ABCC5: variants seen among roughly 807,000 people sequenced by gnomAD.
ABCC5 encodes ATP binding cassette subfamily C member 5, also known as ATP-binding cassette sub-family C member 5.
In ABCC5, 61 loss-of-function variants were observed where a neutral mutation model predicts 160.9. That is an observed-to-expected ratio of 0.38 (90% CI 0.31 to 0.47). The LOEUF (loss-of-function observed/expected upper bound fraction) is 0.47. Among genes scored for constraint, ABCC5 ranks in the 20% least tolerant of loss-of-function variants. ABCC5 has a pLI of 0.99. For missense variants in ABCC5, 1,308 were observed against 1,813.3 expected (o/e 0.72, Z 5.06); for synonymous variants, 666 against 700.6 (o/e 0.95, Z 0.78).
At position 183,967,692 on chromosome 3, in the gene ABCC5, T is replaced by C; in HGVS notation, c.1833+3A>G. The stretch of plus-strand genomic sequence containing the variant: ...CAGAAAAGGACAATAACAAAAATCT[T>C]ACCTGGCCTAAAATGGCTGAAATGA... On this transcript the variant is annotated splice_donor_region_variant and intron_variant, in intron 12 of 29. Transcript: ENST00000334444. 6.2e-7 allele frequency: 1 copy of C among 1,612,350 alleles called. No homozygotes were observed. Among genetic ancestry groups the C allele is most frequent in the Non-Finnish European group, 8.5e-7 (1 of 1,178,414 alleles).
intron 26 of ABCC5, among the ~76,000 whole-genome samples, chr3:183,931,269 A>G (rs1334878786): frequency 2.0e-5 from 3 of 151,814 alleles, no homozygotes; most frequent in African/African-American, 7.3e-5. Flanking sequence ...TCTCCTGCCC[A>G]CTGAGTAGCC....
In ABCC5 at chr3:183,983,020, A is replaced by T; in HGVS notation, c.592-13T>A. On this transcript the variant is annotated splice_polypyrimidine_tract_variant and intron_variant, in intron 5 of 29. Coordinates refer to ENST00000334444, the MANE Select transcript of ABCC5 (RefSeq NM_005688.4). ...TCACCATGAAGGCCTACAGGGAGAG[A>T]CACACACCACTGTCAACATCTCCAC... The T allele has an allele frequency of 6.3e-7, 1 of 1,598,116 alleles. No homozygotes were observed. Among genetic ancestry groups the T allele is most frequent in the Non-Finnish European group, 8.6e-7 (1 of 1,165,630 alleles).
chr3:183,970,776 T>C (rs1182625773), intron 11 of ABCC5, among the ~76,000 whole-genome samples: 2 of 152,154 alleles, frequency 1.3e-5, no homozygotes, highest in East Asian at 1.9e-4. Context: ...CCATCTGATA[T>C]GCAATATATT....
At chr3:183,925,932 G>A (rs1314152386) in intron 28 of ABCC5, among the ~76,000 whole-genome samples, 44 of 147,824 alleles carry the variant, frequency 3.0e-4, no homozygotes, top group Middle Eastern at 3.6e-3. Context: ...TCCGCCTCCC[G>A]GGTTCACGCC....
rs1466852936 is a variant in ABCC5 at position 183,971,629 on chromosome 3, C to T, written c.1695G>A (p.Lys565=). 6.2e-7 allele frequency: 1 copy of T among 1,614,160 alleles called. No homozygotes were observed. Among genetic ancestry groups the T allele is most frequent in the South Asian group, 1.1e-5 (1 of 91,076 alleles). The change falls in exon 11 of 30, where the codon AAG becomes AAA. Residue 565 remains lysine, a synonymous_variant. Transcript: ENST00000334444. ...AGCGCAGGTGGCCCAGGTGGATGTGCTTGCCTTCTTCCTCTTCGGGACTGG... is the reference window on the plus strand; with the variant it reads ...AGCGCAGGTGGCCCAGGTGGATGTGTTTGCCTTCTTCCTCTTCGGGACTGG... The part of the protein sequence containing the change: ...ERPSPEEEEG[K]HIHLGHLRLQ...
At position 183,921,100 on chromosome 3, in the gene ABCC5, G is replaced by C; in HGVS notation, c.*200C>G. The C allele has an allele frequency of 2.2e-6, 1 of 444,542 alleles. No individual in the cohort carries two copies. The highest frequency in any genetic ancestry group is 4.1e-6 in the Non-Finnish European group (1 of 246,840). The allele number at this position is 444,542 out of a possible 1,614,324, so 27.5% of individuals were successfully genotyped here. The stretch of plus-strand genomic sequence containing the variant: ...CAATTAAGAACAAAAACTAAATTTT[G>C]TTTACATGAATATGGAATAAATACA... On this transcript the variant is annotated 3_prime_UTR_variant, in exon 30 of 30. Coordinates refer to ENST00000334444, the MANE Select transcript of ABCC5 (RefSeq NM_005688.4). This position sits in a 1 kb window ranked among gnomAD's most constrained non-coding sequence, Gnocchi z 4.1.
chr3:183,973,602 A>C (rs1215476013), intron 10 of ABCC5, among the ~76,000 whole-genome samples: 5 of 152,012 alleles, frequency 3.3e-5, no homozygotes, highest in Non-Finnish European at 7.4e-5. Flanking sequence ...TTAGATTCTA[A>C]ACTTCTAAGC....
In ABCC5 at chr3:183,951,003, G is replaced by A. The variant is rs1445322670; in HGVS notation, c.2944+438C>T. Reference sequence around the variant, plus strand: ...ACCCGCCTGACAGGCCTGCTGCGGGGATTAAGGTAACATGCATAAAACACT... The same window carrying A: ...ACCCGCCTGACAGGCCTGCTGCGGGAATTAAGGTAACATGCATAAAACACT... On this transcript the variant is annotated intron_variant, in intron 20 of 29. Transcript: ENST00000334444. The surrounding 1 kb of genome is among the most constrained non-coding windows in gnomAD (Gnocchi z 4.7). Among the ~76,000 whole-genome samples, 1 of 152,196 alleles carries A rather than the reference G, an allele frequency of 6.6e-6. No individual in the cohort carries two copies. Among genetic ancestry groups the A allele is most frequent in the Non-Finnish European group, 1.5e-5 (1 of 68,036 alleles).
In ABCC5 at chr3:183,987,539, T is replaced by C. The variant is rs1719332372; in HGVS notation, c.591+231A>G. On this transcript the variant is annotated intron_variant, in intron 5 of 29. Transcript: ENST00000334444. This position sits in a 1 kb window ranked among gnomAD's most constrained non-coding sequence, Gnocchi z 4.2. ...CTGTGCAGAACTGGAGTCAGTTCCA[T>C]TTCACCCCCACCCAGAAATCAAGCC... The C allele has an allele frequency of 3.1e-6, 2 of 635,316 alleles. No homozygotes were observed. Among genetic ancestry groups the C allele is most frequent in the African/African-American group, 3.6e-5 (2 of 54,842 alleles). 39.4% of individuals were successfully genotyped at this position (635,316 alleles called of 1,614,324 possible).
At chr3:183,965,905 G>A (rs562398226) in intron 12 of ABCC5, among the ~76,000 whole-genome samples, 1 of 152,198 alleles carries the variant, frequency 6.6e-6, no homozygotes, top group Admixed American at 6.5e-5. Flanking sequence ...CTAGGATGCT[G>A]GCTAGACCAG....
chr3:183,974,717 C>T (rs1338791137), intron 10 of ABCC5, among the ~76,000 whole-genome samples: 1 of 152,250 alleles, frequency 6.6e-6, no homozygotes, highest in Non-Finnish European at 1.5e-5. Flanking sequence ...GCAAGCCACC[C>T]TATTCCACTG....
At chr3:183,985,460 A>AGGTGGAGAG in intron 5 of ABCC5, 1 of 1,161,066 alleles carries the variant, frequency 8.6e-7, no homozygotes, top group Non-Finnish European at 1.3e-6. Flanking sequence ...AGCAAGCTGC[A>AGGTGGAGAG]GGTGGAGAGA....
At chr3:183,969,520 C>T (rs187222450) in intron 11 of ABCC5, among the ~76,000 whole-genome samples, 3 of 151,968 alleles carry the variant, frequency 2.0e-5, no homozygotes, top group Non-Finnish European at 4.4e-5. Context: ...GGTGAAACCC[C>T]GTCTCTACTA....
At chr3:183,959,914 C>A in intron 16 of ABCC5, 79 bp from the exon 17 acceptor site, 1 of 1,026,282 alleles carries the variant, frequency 9.7e-7, no homozygotes, top group Non-Finnish European at 1.4e-6. Context: ...ATTAGGGAAT[C>A]ATCAATTAAA....
At chr3:183,983,755 G>A in intron 5 of ABCC5, 1 of 985,416 alleles carries the variant, frequency 1.0e-6, no homozygotes, top group Non-Finnish European at 1.2e-6. Context: ...CCAGGAAGTG[G>A]GAAGGAATGT....
At chr3:184,007,904 T>A (rs1233384162) in intron 2 of ABCC5, among the ~76,000 whole-genome samples, 1 of 152,200 alleles carries the variant, frequency 6.6e-6, no homozygotes. Context: ...AGCTAAGACT[T>A]CACACATTTG....
chr3:183,935,241 C>A (rs1001849564), intron 26 of ABCC5, among the ~76,000 whole-genome samples: 1 of 150,836 alleles, frequency 6.6e-6, no homozygotes, highest in Non-Finnish European at 1.5e-5. Flanking sequence ...AGTGCAGTGG[C>A]ATGATCTCGG....
Position 183,971,669 on chromosome 3 carries a change from T to C in ABCC5, c.1655A>G (p.Asp552Gly). Residue 552 changes from aspartate to glycine, a missense_variant, in exon 11 of 30, where the codon GAC becomes GGC. Around this residue, in one of 3 missense-constraint regions of ABCC5, gnomAD observed 1,142 missense variants for 1,527.1 expected, o/e 0.75. Transcript: ENST00000334444. ...LAEQKGHLLL[D>G]SDERPSPEEE... ...TTCGGGACTGGGCCGCTCGTCACTG[T>C]CCAGGAGGAGGTGGCCTTTCTGCTC... 1 of 1,614,222 alleles carries C rather than the reference T, an allele frequency of 6.2e-7. No homozygotes were observed. Among genetic ancestry groups the C allele is most frequent in the Non-Finnish European group, 8.5e-7 (1 of 1,180,038 alleles).
At chr3:183,985,181 A>G in intron 5 of ABCC5, 4 of 950,018 alleles carry the variant, frequency 4.2e-6, no homozygotes, top group Non-Finnish European at 6.4e-6. Flanking sequence ...TCCAACCAAA[A>G]TTTAGTTTTT....
Sources: allele counts gnomAD v4.1 joint callset (sites outside exome capture counted in the v4.1 genomes callset), GRCh38; gene constraint gnomAD v4.1.1; regional missense constraint gnomAD v4.1.1; non-coding constraint Gnocchi (gnomAD v3.1); transcripts MANE v1.5; gene names NCBI Gene and HGNC (gene_info 2026-07-23, HGNC 2026-07-21).